Variants in ELFN1 observed in about 807,000 individuals in gnomAD.
The protein encoded by ELFN1 is extracellular leucine rich repeat and fibronectin type III domain containing 1, also known as protein ELFN1.
ELFN1 carries 6 observed loss-of-function variants against 7.6 expected under a neutral mutation model. The observed-to-expected ratio is 0.79, with a 90% CI of 0.43 to 1.56. The LOEUF is 1.56. Ranked by LOEUF, ELFN1 falls within the 40% of genes most tolerant of loss-of-function variation. ELFN1 has a pLI of 0.01. For missense variants in ELFN1, 1,169 were observed against 1,232.2 expected, an observed-to-expected ratio of 0.95 and a Z score of 0.77; for synonymous variants, 657 against 588.1, an observed-to-expected ratio of 1.12 and a Z score of -1.70.
upstream of ELFN1, among the ~76,000 whole-genome samples, chr7:1,667,750 A>G (rs1024030749): frequency 1.3e-5 from 2 of 151,870 alleles, no homozygotes; most frequent in African/African-American, 4.8e-5. The surrounding 1 kb of genome is among the most constrained non-coding windows in gnomAD (Gnocchi z 8.2). Flanking sequence ...CCAACCTCCC[A>G]GCTTCACCGC....
rs372127419 is a variant in ELFN1, at chr7:1,739,975, C to T, written c.-293-4329C>T. On this transcript the variant is annotated intron_variant, in intron 3 of 3. Coordinates refer to ENST00000424383, the MANE Select transcript of ELFN1 (RefSeq NM_001128636.4). The surrounding 1 kb of genome is among the most constrained non-coding windows in gnomAD (Gnocchi z 4.6). ...TGTTTTATGGAAGGTTCTAGAACTA[C>T]GAGTTCCAATACGGCAGCTACTAGC... Among the ~76,000 whole-genome samples, 10 of 152,342 alleles carry T rather than the reference C, an allele frequency of 6.6e-5. No individual in the cohort carries two copies. In the South Asian group the frequency reaches 1.5e-3, roughly 22 times the overall value.
chr7:1,666,284 T>TG (rs1004376270), upstream of ELFN1, among the ~76,000 whole-genome samples: 1,203 of 141,090 alleles, frequency 8.5e-3, 9 homozygotes, highest in African/African-American at 0.028. This position sits in a 1 kb window ranked among gnomAD's most constrained non-coding sequence, Gnocchi z 7.9. Flanking sequence ...GGATGCTCTC[T>TG]GGGGGGGGCG....
rs1199138956 is a variant in ELFN1 at position 1,747,377 on chromosome 7, G to C, written c.*294G>C. 3.5e-6 allele frequency: 1 copy of C among 284,390 alleles called. No individual in the cohort carries two copies. The highest frequency in any genetic ancestry group is 6.1e-5 in the East Asian group (1 of 16,330). The allele number at this position is 284,390 out of a possible 1,614,324, so 17.6% of individuals were successfully genotyped here. ...CTGTGTCTTAGGGATGGGGGGTGGG[G>C]GTGGGGATTTTTTTTTCATTATCTT... On this transcript the variant is annotated 3_prime_UTR_variant, in exon 4 of 4. Coordinates refer to ENST00000424383, the MANE Select transcript of ELFN1 (RefSeq NM_001128636.4).
At chr7:1,704,807 G>A (rs991162922) in intron 2 of ELFN1, among the ~76,000 whole-genome samples, 8 of 152,124 alleles carry the variant, frequency 5.3e-5, no homozygotes, top group Admixed American at 5.2e-4. Context: ...CTGAGGGCCT[G>A]CCTGCTGTAT....
chr7:1,697,619 C>T (rs527272572), intron 2 of ELFN1, among the ~76,000 whole-genome samples: 68 of 152,040 alleles, frequency 4.5e-4, no homozygotes, highest in Admixed American at 1.4e-3. Flanking sequence ...GCCAAATTTG[C>T]AACAACTGCT....
chr7:1,733,610 G>A (rs917816078), intron 3 of ELFN1, among the ~76,000 whole-genome samples: 15 of 152,062 alleles, frequency 9.9e-5, no homozygotes, highest in African/African-American at 1.9e-4. Flanking sequence ...TCCCAGCCCC[G>A]TCCCAGCCCA....
chr7:1,744,022 C>A (rs146148635), intron 3 of ELFN1, among the ~76,000 whole-genome samples: 1 of 152,268 alleles, frequency 6.6e-6, no homozygotes, highest in South Asian at 2.1e-4. Context: ...GGCAGTGCCC[C>A]GTCCATTTTG....
At chr7:1,710,339 C>T (rs1376849878) in intron 3 of ELFN1, among the ~76,000 whole-genome samples, 4 of 152,312 alleles carry the variant, frequency 2.6e-5, no homozygotes, top group African/African-American at 9.6e-5. Flanking sequence ...AGATGGTTCC[C>T]CAGACCTCTC....
intron 2 of ELFN1, among the ~76,000 whole-genome samples, chr7:1,699,975 C>T (rs1444427032): frequency 2.0e-5 from 3 of 152,242 alleles, no homozygotes; most frequent in Non-Finnish European, 2.9e-5. Context: ...GCTGGGATTA[C>T]AGGCGTGAGC....
chr7:1,696,665 G>C lies in ELFN1; in HGVS notation c.-456+8515G>C, dbSNP rs188314273. On this transcript the variant is annotated intron_variant, in intron 2 of 3. Transcript: ENST00000424383. ...AGTCCTCCTGCCTCAGCCTCCCAAAGTGTTGAGATTACTCGTGTGAGCCAC... is the reference window on the plus strand; with the variant it reads ...AGTCCTCCTGCCTCAGCCTCCCAAACTGTTGAGATTACTCGTGTGAGCCAC... Among the ~76,000 whole-genome samples the C allele has an allele frequency of 6.6e-4, 101 of 152,274 alleles. 2 individuals carry two copies. The East Asian group carries it at 0.019, about 29-fold the overall frequency.
chr7:1,679,042 G>A (rs1339152150), intron 1 of ELFN1, among the ~76,000 whole-genome samples: 1 of 152,114 alleles, frequency 6.6e-6, no homozygotes, highest in African/African-American at 2.4e-5. Flanking sequence ...CCTCCGCTGG[G>A]CTGCGTGACC....
intron 1 of ELFN1, among the ~76,000 whole-genome samples, chr7:1,679,177 G>T (rs964420173): frequency 1.3e-5 from 2 of 149,462 alleles, no homozygotes; most frequent in East Asian, 3.9e-4. Flanking sequence ...ACACGTACGC[G>T]CGCACACACA....
intron 3 of ELFN1, among the ~76,000 whole-genome samples, chr7:1,728,283 C>T (rs1256976081): frequency 6.6e-6 from 1 of 152,262 alleles, no homozygotes; most frequent in Non-Finnish European, 1.5e-5. Context: ...GGAGCCCAGC[C>T]CCGGCCTGCA....
At chr7:1,703,066 T>G (rs556875554) in intron 2 of ELFN1, among the ~76,000 whole-genome samples, 28 of 152,352 alleles carry the variant, frequency 1.8e-4, no homozygotes, top group African/African-American at 6.5e-4. Context: ...GGTGTTTTTG[T>G]TTTTTTAGAT....
intron 3 of ELFN1, among the ~76,000 whole-genome samples, chr7:1,729,647 G>A (rs1281031504): frequency 3.3e-5 from 5 of 152,214 alleles, no homozygotes; most frequent in Non-Finnish European, 7.3e-5. Context: ...ATTCAGGCGT[G>A]CTGAGCTAGA....
rs138065669 is a variant in ELFN1, at chr7:1,708,161, GC to G, written c.-455-929del. Among the ~76,000 whole-genome samples, 782 of 152,316 alleles carry G rather than the reference GC, an allele frequency of 5.1e-3. 6 individuals carry two copies. Among genetic ancestry groups the G allele is most frequent in the African/African-American group, 0.017 (722 of 41,568 alleles). ...CAGATGCAAAAGCATCATTCATGGG[GC>G]TGGGCTCTGCACCACACCCCAGCTG... On this transcript the variant is annotated intron_variant, in intron 2 of 3. Coordinates refer to ENST00000424383, the MANE Select transcript of ELFN1 (RefSeq NM_001128636.4).
At chr7:1,717,964 G>A (rs144150535) in intron 3 of ELFN1, among the ~76,000 whole-genome samples, 157 of 152,338 alleles carry the variant, frequency 1.0e-3, no homozygotes, top group African/African-American at 3.4e-3. Context: ...AGGACAAGCT[G>A]TTGAAGAACG....
chr7:1,745,808 C>A lies in ELFN1; in HGVS notation c.1212C>A (p.Ser404Arg), dbSNP rs1439639501. The A allele has an allele frequency of 6.4e-7, 1 of 1,562,954 alleles. No homozygotes were observed. The highest frequency in any genetic ancestry group is 8.7e-7 in the Non-Finnish European group (1 of 1,155,948). ...CLTICLPRLP[S>R]PPGPVPSPST... ...CCATCTGCTTGCCCCGGCTGCCCAG[C>A]CCGCCTGGTCCGGTGCCCAGCCCCT... The change falls in exon 4 of 4, where the codon AGC becomes AGA. Residue 404 changes from serine to arginine, a missense_variant. Ser to Arg is a moderately radical substitution (Grantham distance 110). This residue lies in a region of ELFN1 where 914 missense variants were observed against 872.6 expected (regional missense o/e 1.05). Coordinates refer to ENST00000424383, the MANE Select transcript of ELFN1 (RefSeq NM_001128636.4).
At chr7:1,676,544 C>A (rs567461063) in intron 1 of ELFN1, among the ~76,000 whole-genome samples, 1 of 152,200 alleles carries the variant, frequency 6.6e-6, no homozygotes, top group South Asian at 2.1e-4. Context: ...AGGGCAGAGC[C>A]GCCACTGCTG....
Sources: allele counts gnomAD v4.1 joint callset (sites outside exome capture counted in the v4.1 genomes callset), GRCh38; gene constraint gnomAD v4.1.1; regional missense constraint gnomAD v4.1.1; non-coding constraint Gnocchi (gnomAD v3.1); transcripts MANE v1.5; gene names NCBI Gene and HGNC (gene_info 2026-07-23, HGNC 2026-07-21).